The following KIAA0825 variants were observed in gnomAD, a reference collection of about 807,000 sequenced individuals.
KIAA0825 encodes the protein KIAA0825.
Under a neutral mutation model 147.6 loss-of-function variants are expected in KIAA0825, and 119 were observed. The ratio of observed to expected loss-of-function variants is 0.81; its 90% CI spans 0.69 to 0.94. The LOEUF is 0.94. KIAA0825 is among the 40% of genes least tolerant of loss of function. KIAA0825 has a pLI of 0.00. For missense variants in KIAA0825, 1,381 were observed against 1,472.7 expected, an observed-to-expected ratio of 0.94 and a Z score of 1.02; for synonymous variants, 470 against 518.1, an observed-to-expected ratio of 0.91 and a Z score of 1.26.
chr5:94,263,447 C>G (rs960181134), intron 20 of KIAA0825, among the ~76,000 whole-genome samples: 1 of 152,140 alleles, frequency 6.6e-6, no homozygotes, highest in East Asian at 1.9e-4. Context: ...GAACAGGATT[C>G]ATGTGTTTTG....
chr5:94,586,155 C>T (rs1048109104), intron 1 of KIAA0825, among the ~76,000 whole-genome samples: 2 of 152,112 alleles, frequency 1.3e-5, no homozygotes, highest in Non-Finnish European at 2.9e-5. Context: ...CAAATAAATT[C>T]AACAGCTAGC....
At chr5:94,483,688 T>C (rs1163722795) in intron 6 of KIAA0825, among the ~76,000 whole-genome samples, 2 of 151,792 alleles carry the variant, frequency 1.3e-5, no homozygotes, top group Admixed American at 6.6e-5. Context: ...ATTTATTTTA[T>C]AATATAACAG....
rs1423962883 is a variant in KIAA0825 at position 94,477,227 on chromosome 5, A to T, written c.1133-22T>A. On this transcript the variant is annotated intron_variant, in intron 6 of 20. Transcript: ENST00000682413. The stretch of plus-strand genomic sequence containing the variant: ...ATTCCTAAGCAATAGAAAAGAAAAC[A>T]AACACACTAATATATATTGTTTAAA... 3 of 1,380,546 alleles carry T rather than the reference A, an allele frequency of 2.2e-6. No homozygotes were observed. In the Admixed American group the frequency reaches 6.0e-5, roughly 27 times the overall value. The allele number at this position is 1,380,546 out of a possible 1,614,324, so 85.5% of individuals were successfully genotyped here. A position where few individuals can be genotyped will look rare whatever the true frequency, so the allele number is the denominator to read the frequency against.
At chr5:94,503,803 A>C (rs1366323430) in intron 5 of KIAA0825, among the ~76,000 whole-genome samples, 2 of 152,234 alleles carry the variant, frequency 1.3e-5, no homozygotes, top group Admixed American at 6.5e-5. Context: ...GAAGCAAATA[A>C]GGATATCTTC....
At chr5:94,376,135 T>A (rs1376117842) in intron 20 of KIAA0825, among the ~76,000 whole-genome samples, 1 of 152,202 alleles carries the variant, frequency 6.6e-6, no homozygotes, top group East Asian at 1.9e-4. Context: ...TATGTGTATA[T>A]AAATCACCTA....
intron 1 of KIAA0825, chr5:94,618,151 A>C (rs558521864): frequency 1.3e-5 from 2 of 152,408 alleles, no homozygotes; most frequent in African/African-American, 4.8e-5. Context: ...AGGAATCAAG[A>C]GTGGCCAAAC....
At chr5:94,178,317 T>C (rs958534953) in intron 20 of KIAA0825, among the ~76,000 whole-genome samples, 13 of 152,032 alleles carry the variant, frequency 8.6e-5, no homozygotes, top group Non-Finnish European at 1.9e-4. Context: ...CTTATTGCAC[T>C]AACCAGAAAT....
intron 2 of KIAA0825, among the ~76,000 whole-genome samples, chr5:94,549,846 G>A (rs983399420): frequency 6.6e-6 from 1 of 152,040 alleles, no homozygotes; most frequent in African/African-American, 2.4e-5. Context: ...ACCAAATGAT[G>A]CATTAAGAAC....
At chr5:94,381,924 G>C (rs930385741) in intron 20 of KIAA0825, among the ~76,000 whole-genome samples, 8 of 152,020 alleles carry the variant, frequency 5.3e-5, no homozygotes, top group Admixed American at 3.3e-4. Flanking sequence ...TGAATTTAAG[G>C]TGAATAGAAA....
chr5:94,604,919 A>T (rs1328648476), intron 1 of KIAA0825, among the ~76,000 whole-genome samples: 1 of 152,146 alleles, frequency 6.6e-6, no homozygotes, highest in Non-Finnish European at 1.5e-5. Context: ...AAGGAGATAG[A>T]GACAAGAAAA....
chr5:94,501,333 A>C (rs1259367477), intron 5 of KIAA0825, among the ~76,000 whole-genome samples: 1 of 152,216 alleles, frequency 6.6e-6, no homozygotes, highest in African/African-American at 2.4e-5. Context: ...TTTGCACCAG[A>C]TACTATGTGT....
chr5:94,357,321 G>A (rs1406443727), intron 20 of KIAA0825, among the ~76,000 whole-genome samples: 1 of 151,942 alleles, frequency 6.6e-6, no homozygotes, highest in Non-Finnish European at 1.5e-5. Flanking sequence ...TGTAGTGCAG[G>A]AGAAAAGGTT....
At chr5:94,534,863 T>G (rs904903579) in intron 3 of KIAA0825, among the ~76,000 whole-genome samples, 1 of 152,168 alleles carries the variant, frequency 6.6e-6, no homozygotes, top group East Asian at 1.9e-4. Flanking sequence ...TTTTTAAAAC[T>G]ATAACCATCT....
At chr5:94,217,046 A>G (rs988791069) in intron 20 of KIAA0825, among the ~76,000 whole-genome samples, 6 of 152,234 alleles carry the variant, frequency 3.9e-5, no homozygotes, top group Non-Finnish European at 7.3e-5. Flanking sequence ...CCATGTTGAC[A>G]TAAGAGGAAA....
chr5:94,424,806 A>G (rs890037390), intron 14 of KIAA0825, among the ~76,000 whole-genome samples: 5 of 152,190 alleles, frequency 3.3e-5, no homozygotes, highest in African/African-American at 1.2e-4. Flanking sequence ...AAAAGAAGAC[A>G]TTACAACTGA....
At chr5:94,155,710 G>A (rs1031409645) in intron 20 of KIAA0825, among the ~76,000 whole-genome samples, 1 of 152,128 alleles carries the variant, frequency 6.6e-6, no homozygotes, top group African/African-American at 2.4e-5. Context: ...TCATTTCCTA[G>A]CCTCAAACTT....
In KIAA0825 at chr5:94,514,110, T is replaced by C. The variant is rs954380007; in HGVS notation, c.970+6138A>G. ...TAGATGCATCTTGCAACCATAATGC[T>C]AGCTAATGCTATTGTTATTAATTAA... On this transcript the variant is annotated intron_variant, in intron 5 of 20. Transcript: ENST00000682413. 7.9e-5 allele frequency among the ~76,000 whole-genome samples: 12 copies of C among 152,136 alleles called. No individual in the cohort carries two copies. The East Asian group carries it at 1.3e-3, about 17-fold the overall frequency.
chr5:94,159,183 G>C (rs1767317668), intron 20 of KIAA0825, among the ~76,000 whole-genome samples: 1 of 152,102 alleles, frequency 6.6e-6, no homozygotes, highest in African/African-American at 2.4e-5. Context: ...GGCTCCACCT[G>C]TCTTGTTTTA....
chr5:94,229,629 G>A (rs766240590), intron 20 of KIAA0825, among the ~76,000 whole-genome samples: 6 of 151,112 alleles, frequency 4.0e-5, no homozygotes, highest in Admixed American at 1.3e-4. Flanking sequence ...AATTGTTATC[G>A]TTTCCTGTAT....
Sources: gnomAD v4.1 joint callset for allele counts (sites outside exome capture counted in the v4.1 genomes callset) on GRCh38, gnomAD v4.1.1 for gene constraint, MANE v1.5 for transcripts, NCBI Gene and HGNC (gene_info 2026-07-23, HGNC 2026-07-21) for gene names.